PHF24: variants seen among roughly 807,000 people sequenced by gnomAD.
PHF24 encodes PHD finger protein 24, also known as Galpha inhibitory interacting protein.
Under a neutral mutation model 42.6 loss-of-function variants are expected in PHF24, and 25 were observed. The ratio of observed to expected loss-of-function variants is 0.59; its 90% CI spans 0.43 to 0.82. The LOEUF (loss-of-function observed/expected upper bound fraction) is 0.82. Ranked by LOEUF, PHF24 falls within the 40% of genes least tolerant of loss-of-function variation. PHF24 has a pLI of 0.00. For missense variants in PHF24, 470 were observed against 538.1 expected, an observed-to-expected ratio of 0.87 and a Z score of 1.25; for synonymous variants, 185 against 204.8, an observed-to-expected ratio of 0.90 and a Z score of 0.83.
At chr9:34,824,866 A>C in the PHF24 span, among the ~76,000 whole-genome samples, 1 of 152,118 alleles carries the variant, frequency 6.6e-6, no homozygotes. Context: ...TTTCTATCTC[A>C]AACTTATTTG....
At chr9:34,871,448 G>A in the PHF24 span, among the ~76,000 whole-genome samples, 2 of 151,938 alleles carry the variant, frequency 1.3e-5, no homozygotes, top group South Asian at 2.1e-4. Context: ...TTTTAATGAC[G>A]TCCAGCTTAT....
At chr9:34,836,018 G>A in the PHF24 span, 5 of 652,830 alleles carry the variant, frequency 7.7e-6, no homozygotes, top group South Asian at 3.0e-5. Context: ...CATAGGATTC[G>A]CCGCACACTT....
chr9:34,867,249 T>C, the PHF24 span, among the ~76,000 whole-genome samples: 1 of 152,254 alleles, frequency 6.6e-6, no homozygotes, highest in Non-Finnish European at 1.5e-5. Context: ...CCCTGTTCTC[T>C]GCACTAGGTC....
chr9:34,937,024 G>C, the PHF24 span, among the ~76,000 whole-genome samples: 5 of 142,572 alleles, frequency 3.5e-5, no homozygotes, highest in African/African-American at 1.3e-4. Flanking sequence ...GGAGGGAGGT[G>C]GGGGGGTCAG....
chr9:34,679,513 G>C, the PHF24 span, among the ~76,000 whole-genome samples: 2 of 152,180 alleles, frequency 1.3e-5, no homozygotes, highest in Non-Finnish European at 2.9e-5. Context: ...TCAGGAGATC[G>C]AGACCATCCT....
chr9:34,799,772 T>A, the PHF24 span, among the ~76,000 whole-genome samples: 2,408 of 152,168 alleles, frequency 0.016, 54 homozygotes, highest in East Asian at 0.091. Context: ...ACAATAAGAG[T>A]CACTATATCA....
chr9:34,790,991 T>C, the PHF24 span, among the ~76,000 whole-genome samples: 20 of 152,234 alleles, frequency 1.3e-4, no homozygotes, highest in Admixed American at 1.3e-3. Context: ...CTAGATAATG[T>C]AGGGGCTTGT....
At chr9:34,818,511 T>A in the PHF24 span, among the ~76,000 whole-genome samples, 2 of 152,220 alleles carry the variant, frequency 1.3e-5, no homozygotes, top group African/African-American at 4.8e-5. Context: ...CAGCCTTGCA[T>A]TCCCATGGCG....
At chr9:34,821,946 G>A in the PHF24 span, among the ~76,000 whole-genome samples, 1 of 152,058 alleles carries the variant, frequency 6.6e-6, no homozygotes, top group African/African-American at 2.4e-5. Flanking sequence ...ACTTTTATTT[G>A]TATAAAATAT....
chr9:34,747,114 T>G, the PHF24 span, among the ~76,000 whole-genome samples: 1 of 152,140 alleles, frequency 6.6e-6, no homozygotes, highest in Non-Finnish European at 1.5e-5. Flanking sequence ...GTATTCAGAA[T>G]ATATAAAGTT....
the PHF24 span, among the ~76,000 whole-genome samples, chr9:34,770,360 T>C: frequency 6.6e-6 from 1 of 152,178 alleles, no homozygotes; most frequent in East Asian, 1.9e-4. Flanking sequence ...TTCAAAAGTT[T>C]CATGGCACAC....
At chr9:34,739,035 T>A in the PHF24 span, among the ~76,000 whole-genome samples, 1 of 152,242 alleles carries the variant, frequency 6.6e-6, no homozygotes. Flanking sequence ...CTACTTTTCA[T>A]TTTCATGTAC....
chr9:34,695,620 T>G, the PHF24 span, among the ~76,000 whole-genome samples: 3 of 152,270 alleles, frequency 2.0e-5, no homozygotes, highest in South Asian at 6.2e-4. Context: ...ACTTGTGGGA[T>G]CTGATGCTAC....
the PHF24 span, chr9:34,723,564 T>C: frequency 6.4e-7 from 1 of 1,551,778 alleles, no homozygotes; most frequent in Admixed American, 2.0e-5. Context: ...TTGCCTTTTG[T>C]CTTGGGGTTA....
the PHF24 span, among the ~76,000 whole-genome samples, chr9:34,940,864 G>A: frequency 6.6e-6 from 1 of 152,138 alleles, no homozygotes; most frequent in African/African-American, 2.4e-5. Context: ...GCTGATCATG[G>A]TTAATTACCT....
chr9:34,683,897 G>A, the PHF24 span, among the ~76,000 whole-genome samples: 11 of 152,338 alleles, frequency 7.2e-5, no homozygotes, highest in East Asian at 1.4e-3. Flanking sequence ...CAGTTGTCTG[G>A]ACATAAGCAT....
the PHF24 span, among the ~76,000 whole-genome samples, chr9:34,937,040 C>CGCCGGGCCAGCCG: frequency 1.4e-5 from 2 of 147,418 alleles, no homozygotes; most frequent in Non-Finnish European, 3.0e-5. Context: ...GTCAGCCCCC[C>CGCCGGGCCAGCCG]CCCCGGGCCA....
At chr9:34,976,787 G>C (rs777935304) in intron 5 of PHF24, 47 bp downstream of exon 5, 18 of 1,539,910 alleles carry the variant, frequency 1.2e-5, no homozygotes, top group Non-Finnish European at 1.4e-5. Flanking sequence ...GGGTGACAAG[G>C]GCCTGGGAGG....
chr9:34,922,225 G>A, the PHF24 span: 46 of 1,591,670 alleles, frequency 2.9e-5, no homozygotes, highest in Non-Finnish European at 3.8e-5. Flanking sequence ...TTGTCTCCTC[G>A]GGTATCCGAT....
Sources: gnomAD v4.1 joint callset for allele counts (sites outside exome capture counted in the v4.1 genomes callset) on GRCh38, gnomAD v4.1.1 for gene constraint, MANE v1.5 for transcripts, NCBI Gene and HGNC (gene_info 2026-07-23, HGNC 2026-07-21) for gene names.